SHISA9: variants seen among roughly 807,000 people sequenced by gnomAD.
SHISA9 encodes protein shisa-9.
Under a neutral mutation model 38.0 loss-of-function variants are expected in SHISA9, and 13 were observed. The ratio of observed to expected loss-of-function variants is 0.34; its 90% CI spans 0.22 to 0.54. The LOEUF is 0.54. Ranked by LOEUF, SHISA9 falls within the 20% of genes least tolerant of loss-of-function variation. The pLI, the probability that SHISA9 is intolerant of heterozygous loss-of-function variation, is 0.91. For missense variants in SHISA9, 538 were observed against 575.8 expected (o/e 0.93, Z 0.67); for synonymous variants, 275 against 242.0 (o/e 1.14, Z -1.27).
intron 2 of SHISA9, among the ~76,000 whole-genome samples, chr16:13,060,372 A>G (rs1201602832): frequency 6.6e-6 from 1 of 152,124 alleles, no homozygotes; most frequent in Non-Finnish European, 1.5e-5. Context: ...TCTGCGTCTT[A>G]TCAACCAGAG....
chr16:13,255,569 G>T, the SHISA9 span, among the ~76,000 whole-genome samples: 3 of 152,200 alleles, frequency 2.0e-5, no homozygotes, highest in African/African-American at 7.2e-5. Flanking sequence ...ATCCAGATCT[G>T]GCTGATTCCA....
intron 2 of SHISA9, among the ~76,000 whole-genome samples, chr16:13,117,619 A>G (rs61302723): frequency 6.6e-6 from 1 of 152,184 alleles, no homozygotes; most frequent in Admixed American, 6.5e-5. Flanking sequence ...AAATGTGACC[A>G]CACGGCAGAG....
intron 2 of SHISA9, among the ~76,000 whole-genome samples, chr16:12,955,059 G>GT (rs113091332): frequency 0.19 from 28,905 of 148,854 alleles, 3,353 homozygotes; most frequent in Middle Eastern, 0.34. Context: ...GTGCATTGCT[G>GT]TTTTTTTTTT....
the SHISA9 span, among the ~76,000 whole-genome samples, chr16:13,259,413 A>T: frequency 6.6e-6 from 1 of 152,144 alleles, no homozygotes; most frequent in Non-Finnish European, 1.5e-5. Context: ...CAGTGGATCT[A>T]CTATTCTGTA....
intron 2 of SHISA9, among the ~76,000 whole-genome samples, chr16:12,918,106 T>C (rs1292749880): frequency 3.3e-5 from 5 of 152,154 alleles, no homozygotes; most frequent in Non-Finnish European, 5.9e-5. Context: ...ATTAGTGAAC[T>C]GGATCACAAA....
chr16:13,110,258 G>A (rs1460744474), intron 2 of SHISA9, among the ~76,000 whole-genome samples: 1 of 152,154 alleles, frequency 6.6e-6, no homozygotes, highest in African/African-American at 2.4e-5. Flanking sequence ...TAGTCATTCT[G>A]CCAAGCCTCC....
the SHISA9 span, among the ~76,000 whole-genome samples, chr16:13,528,122 T>C: frequency 4.6e-5 from 7 of 152,298 alleles, no homozygotes; most frequent in Admixed American, 2.6e-4. Context: ...TCAGAATTCC[T>C]TTCCCTGTCT....
chr16:13,088,024 T>G (rs913967037), intron 2 of SHISA9, among the ~76,000 whole-genome samples: 26 of 152,242 alleles, frequency 1.7e-4, no homozygotes, highest in African/African-American at 6.0e-4. Flanking sequence ...GGATCCAGTT[T>G]CAGCTTTCTA....
At chr16:12,972,494 T>G (rs974015070) in intron 2 of SHISA9, among the ~76,000 whole-genome samples, 36 of 152,270 alleles carry the variant, frequency 2.4e-4, no homozygotes, top group Admixed American at 1.8e-3. Flanking sequence ...TCATACAGAA[T>G]CTTTTAGACT....
the SHISA9 span, among the ~76,000 whole-genome samples, chr16:13,473,930 T>C: frequency 1.3e-5 from 2 of 152,198 alleles, no homozygotes; most frequent in Non-Finnish European, 2.9e-5. Flanking sequence ...TGATACATAT[T>C]GTGTAATACC....
At chr16:13,242,571 T>C (rs2051443086), downstream of SHISA9, among the ~76,000 whole-genome samples, 1 of 152,218 alleles carries the variant, frequency 6.6e-6, no homozygotes, top group Non-Finnish European at 1.5e-5. Context: ...AGTTGTGTCC[T>C]ATAATGAAGA....
At chr16:12,923,616 G>T (rs1306130398) in intron 2 of SHISA9, among the ~76,000 whole-genome samples, 1 of 152,084 alleles carries the variant, frequency 6.6e-6, no homozygotes, top group East Asian at 1.9e-4. Flanking sequence ...CCAAATACAT[G>T]GGAGTTCATT....
the SHISA9 span, among the ~76,000 whole-genome samples, chr16:13,280,342 C>T: frequency 7.9e-5 from 12 of 151,584 alleles, no homozygotes; most frequent in Non-Finnish European, 1.6e-4. Context: ...TTGCTTTAGG[C>T]TTAAATAACT....
At chr16:12,957,590 T>G (rs772511802) in intron 2 of SHISA9, among the ~76,000 whole-genome samples, 2 of 152,024 alleles carry the variant, frequency 1.3e-5, no homozygotes, top group Non-Finnish European at 2.9e-5. Context: ...CCTAATTACC[T>G]CCCAAAGGCA....
chr16:13,265,639 C>T, the SHISA9 span, among the ~76,000 whole-genome samples: 1 of 144,468 alleles, frequency 6.9e-6, no homozygotes, highest in Non-Finnish European at 1.5e-5. Flanking sequence ...TCTCTTCTCT[C>T]CTCTCCTCTC....
At chr16:13,375,732 C>G in the SHISA9 span, among the ~76,000 whole-genome samples, 1 of 152,114 alleles carries the variant, frequency 6.6e-6, no homozygotes, top group Admixed American at 6.5e-5. Context: ...GACTTGTACA[C>G]TAAACACTAC....
rs185337776 is a variant in SHISA9, at chr16:12,920,487, A to G, written c.691+3672A>G. On this transcript the variant is annotated intron_variant, in intron 2 of 4. Transcript: ENST00000558583. ...TTACTTAACTGTAAGTTTTAAAATA[A>G]CTTAAAGAGTGTCATTGGATTGTTT... Among the ~76,000 whole-genome samples the G allele has an allele frequency of 4.8e-4, 73 of 152,298 alleles. 1 individual carries two copies. The highest frequency in any genetic ancestry group is 5.8e-4 in the East Asian group (3 of 5,188).
the SHISA9 span, among the ~76,000 whole-genome samples, chr16:13,329,532 A>G: frequency 2.0e-5 from 3 of 151,522 alleles, no homozygotes; most frequent in South Asian, 6.3e-4. Flanking sequence ...TTTTCTTCCC[A>G]CTCCTCTAAT....
intron 2 of SHISA9, among the ~76,000 whole-genome samples, chr16:13,015,894 C>CTTTCTTTCTTTCTTTCTTTCTT (rs1555454833): frequency 2.4e-5 from 3 of 126,224 alleles, no homozygotes; most frequent in African/African-American, 6.6e-5. Context: ...TTCTTTCTTT[C>CTTTCTTTCTTTCTTTCTTTCTT]TTTCTTTCTT....
Sources: gnomAD v4.1 joint callset for allele counts (sites outside exome capture counted in the v4.1 genomes callset) on GRCh38, gnomAD v4.1.1 for gene constraint, MANE v1.5 for transcripts, NCBI Gene and HGNC (gene_info 2026-07-23, HGNC 2026-07-21) for gene names.